The following DLL1 variants were observed in gnomAD, a reference collection of about 807,000 sequenced individuals.
DLL1 encodes the protein delta like canonical Notch ligand 1.
In DLL1, 9 loss-of-function variants were observed where a neutral mutation model predicts 75.1. The ratio of observed to expected loss-of-function variants is 0.12; its 90% CI spans 0.07 to 0.21. The LOEUF (loss-of-function observed/expected upper bound fraction) is 0.21. Ranked by LOEUF, DLL1 falls within the 10% of genes least tolerant of loss-of-function variation. The pLI is 1.00. For missense variants in DLL1, 837 were observed against 1,007.6 expected (o/e 0.83, Z 2.29); for synonymous variants, 477 against 418.3 (o/e 1.14, Z -1.71).
At position 170,283,942 on chromosome 6, in the gene DLL1, T is replaced by A; in HGVS notation, c.1337A>T (p.Asp446Val). The change falls in exon 9 of 11, where the codon GAC becomes GTC. Residue 446 changes from aspartate (D) to valine (V), a missense_variant. By Grantham distance (152) the Asp-to-Val change is radical (BLOSUM62 -3). Transcript: ENST00000366756. ...SGRHCDDNVD[D>V]CASSPCANGG... Reference sequence around the variant, plus strand: ...GTTGGCGCACGGGGAGGAGGCGCAGTCGTCCACGTTGTCGTCACAGTGCCT... The same window carrying A: ...GTTGGCGCACGGGGAGGAGGCGCAGACGTCCACGTTGTCGTCACAGTGCCT... 1.9e-6 allele frequency: 3 copies of A among 1,593,672 alleles called. No homozygotes were observed. The highest frequency in any genetic ancestry group is 2.6e-6 in the Non-Finnish European group (3 of 1,173,526).
rs201764695 is a variant in DLL1, at chr6:170,288,357, G to A, written c.552C>T (p.Tyr184=). 8 of 1,614,092 alleles carry A rather than the reference G, an allele frequency of 5.0e-6. No homozygotes were observed. The highest frequency in any genetic ancestry group is 6.8e-6 in the Non-Finnish European group (8 of 1,180,048). Reference sequence around the variant, plus strand: ...GGCAGAAAACGGAGCAGCCCTCTCCGTAGTAGTGTTCGTCACACACGAAGC... The same window carrying A: ...GGCAGAAAACGGAGCAGCCCTCTCCATAGTAGTGTTCGTCACACACGAAGC... ...SYRFVCDEHY[Y]GEGCSVFCRP... The change falls in exon 4 of 11, where the codon TAC becomes TAT. Residue 184 remains tyrosine, a synonymous_variant. Coordinates refer to ENST00000366756, the MANE Select transcript of DLL1 (RefSeq NM_005618.4).
Position 170,288,242 on chromosome 6 carries a change from C to T in DLL1, c.667G>A (p.Glu223Lys), listed in dbSNP as rs1267755589. ...NPGWKGPYCTEPICLPGCDEQ... is the reference protein window; with the variant it reads ...NPGWKGPYCTKPICLPGCDEQ... ...CGGTGCCTTCCCAGAGACTCACGCT[C>T]TGTGCAGTAGGGCCCTTTCCAGCCA... Residue 223 changes from glutamate to lysine, a missense_variant, in exon 4 of 11, where the codon GAG (glutamate) becomes AAG (lysine). This residue lies in a region of DLL1 where 304 missense variants were observed against 461.9 expected (regional missense o/e 0.66). Coordinates refer to ENST00000366756, the MANE Select transcript of DLL1 (RefSeq NM_005618.4). 6.2e-7 allele frequency: 1 copy of T among 1,613,882 alleles called. No individual in the cohort carries two copies.
chr6:170,284,303 C>T (rs778510747), intron 8 of DLL1, among the ~76,000 whole-genome samples: 9 of 152,074 alleles, frequency 5.9e-5, no homozygotes, highest in African/African-American at 9.7e-5. Flanking sequence ...CCACAACAGC[C>T]GGGCAAGAGC....
At position 170,282,686 on chromosome 6, in the gene DLL1, G is replaced by T; in HGVS notation, c.*188C>A. The T allele has an allele frequency of 1.1e-6, 1 of 878,516 alleles. No individual in the cohort carries two copies. The highest frequency in any genetic ancestry group is 1.9e-6 in the Non-Finnish European group (1 of 539,776). 54.4% of individuals were successfully genotyped at this position (878,516 alleles called of 1,614,324 possible). Reference sequence around the variant, plus strand: ...CGTCACGGAAGGCAGTGCCGCAGGCGGCCGGGCCGCGACAGGCTGTCGGCA... The same window carrying T: ...CGTCACGGAAGGCAGTGCCGCAGGCTGCCGGGCCGCGACAGGCTGTCGGCA... On this transcript the variant is annotated 3_prime_UTR_variant, in exon 11 of 11. Coordinates refer to ENST00000366756, the MANE Select transcript of DLL1 (RefSeq NM_005618.4).
At chr6:170,287,511 C>T (rs1397988181) in intron 4 of DLL1, among the ~76,000 whole-genome samples, 2 of 152,216 alleles carry the variant, frequency 1.3e-5, no homozygotes, top group East Asian at 3.9e-4. Flanking sequence ...GCCAGCACGG[C>T]CCCAACCCTG....
intron 9 of DLL1, 35 bp downstream of exon 9, chr6:170,283,196 G>C: frequency 6.2e-7 from 1 of 1,613,286 alleles, no homozygotes; most frequent in Non-Finnish European, 8.5e-7. Flanking sequence ...CACCCCCCAG[G>C]TACCCCCTCC....
intron 2 of DLL1, 60 bp from the exon 3 acceptor site, chr6:170,288,849 A>C: frequency 6.3e-7 from 1 of 1,591,996 alleles, no homozygotes; most frequent in Non-Finnish European, 8.6e-7. Flanking sequence ...GAAAACGGCA[A>C]AAAGCAGTCA....
intron 3 of DLL1, 48 bp downstream of exon 3, chr6:170,288,681 T>C: frequency 6.2e-7 from 1 of 1,612,586 alleles, no homozygotes; most frequent in Non-Finnish European, 8.5e-7. Context: ...CAAAGTCCAA[T>C]GCTATTAACT....
chr6:170,283,063 T>G lies in DLL1; in HGVS notation c.2091A>C (p.Ser697=), dbSNP rs557616143. 4.3e-6 allele frequency: 7 copies of G among 1,614,116 alleles called. No homozygotes were observed. The highest frequency in any genetic ancestry group is 5.9e-6 in the Non-Finnish European group (7 of 1,180,038). ...SERKRPDSGC[S]TSKDTKYQSV... ...ACTGGTACTTGGTGTCTTTTGAAGT[T>G]GAACAGCCCGAGTCCGGCCTTTTTC... Residue 697 remains serine (S), a synonymous_variant, in exon 10 of 11, where the codon TCA becomes TCC. Transcript: ENST00000366756.
At chr6:170,284,770 T>G in intron 8 of DLL1, 149 bp downstream of exon 8, 1 of 867,548 alleles carries the variant, frequency 1.2e-6, no homozygotes, top group Non-Finnish European at 1.9e-6. Context: ...CTTTCCAGAC[T>G]CAAAGATAGA....
intron 1 of DLL1, 70 bp from the exon 2 acceptor site, chr6:170,289,878 G>C (rs1783812333): frequency 1.3e-6 from 2 of 1,481,836 alleles, no homozygotes; most frequent in Middle Eastern, 1.8e-4. Flanking sequence ...GGCCTGGGTG[G>C]GGGGTGTGCG....
rs1278290381 is a variant in DLL1 at position 170,283,103 on chromosome 6, C to A, written c.2051G>T (p.Gly684Val). 1 of 1,614,088 alleles carries A rather than the reference C, an allele frequency of 6.2e-7. No homozygotes were observed. The highest frequency in any genetic ancestry group is 8.5e-7 in the Non-Finnish European group (1 of 1,180,010). The change falls in exon 10 of 11, where the codon GGA (glycine) becomes GTA (valine). Residue 684 changes from glycine to valine, a missense_variant and splice_region_variant. Around this residue, in one of 2 missense-constraint regions of DLL1, gnomAD observed 533 missense variants for 545.7 expected, o/e 0.98. Transcript: ENST00000366756. Reference sequence around the variant, plus strand: ...CGGCCTTTTTCTTTCAGATGCTTCTCCACTAAAAGGAAAATAGAGAAAATC... The same window carrying A: ...CGGCCTTTTTCTTTCAGATGCTTCTACACTAAAAGGAAAATAGAGAAAATC... The part of the protein sequence containing the change: ...EKGTPTTLRG[G>V]EASERKRPDS...
In DLL1 at chr6:170,282,675, G is replaced by A; in HGVS notation, c.*199C>T. 1.3e-6 allele frequency: 1 copy of A among 772,544 alleles called. No individual in the cohort carries two copies. The allele number at this position is 772,544 out of a possible 1,614,324, so 47.9% of individuals were successfully genotyped here. On this transcript the variant is annotated 3_prime_UTR_variant, in exon 11 of 11. Transcript: ENST00000366756. ...TGCAACGGCGACGTCACGGAAGGCA[G>A]TGCCGCAGGCGGCCGGGCCGCGACA...
At chr6:170,289,376 G>A (rs1041745007) in intron 2 of DLL1, 136 bp downstream of exon 2, 2 of 1,360,504 alleles carry the variant, frequency 1.5e-6, no homozygotes, top group Non-Finnish European at 2.0e-6. Flanking sequence ...GCCGCCGCTA[G>A]GCAGATCGCA....
At position 170,283,410 on chromosome 6, in the gene DLL1, C is replaced by T. The variant is rs1003021001; in HGVS notation, c.1869G>A (p.Gly623=). 21 of 1,611,024 alleles carry T rather than the reference C, an allele frequency of 1.3e-5. No individual in the cohort carries two copies. The highest frequency in any genetic ancestry group is 1.6e-5 in the Non-Finnish European group (19 of 1,180,016). The change falls in exon 9 of 11, where the codon GGG becomes GGA. Residue 623 remains glycine, a synonymous_variant. Coordinates refer to ENST00000366756, the MANE Select transcript of DLL1 (RefSeq NM_005618.4). ...AGCCATTCTTGTCGGCGCTGTGGTC[C>T]CCGTGGAAGTCCGCCTTCTTGTTGG... ...KNTNKKADFH[G]DHSADKNGFK... is the part of the protein sequence containing the mutation.
chr6:170,285,926 C>T (rs186049138), intron 5 of DLL1, among the ~76,000 whole-genome samples: 2 of 152,326 alleles, frequency 1.3e-5, no homozygotes, highest in Admixed American at 1.3e-4. Context: ...AAAAATCACT[C>T]CCTGAGTGAT....
rs756906463 is a variant in DLL1, at chr6:170,282,930, C to G, written c.2167-51G>C. 2.8e-5 allele frequency: 46 copies of G among 1,614,134 alleles called. No homozygotes were observed. The Admixed American group carries it at 6.8e-4, about 24-fold the overall frequency. ...AGTTAGCCTGAGACCGATTCCCGTG[C>G]TCCAGCTTCAGGTGCTCCCATGCCG... On this transcript the variant is annotated intron_variant, in intron 10 of 10. Transcript: ENST00000366756.
rs1272102909 is a variant in DLL1, at chr6:170,290,080, G to T, written c.54+6C>A. The T allele has an allele frequency of 1.9e-6, 3 of 1,578,738 alleles. No homozygotes were observed. Among genetic ancestry groups the T allele is most frequent in the Non-Finnish European group, 2.6e-6 (3 of 1,171,380 alleles). On this transcript the variant is annotated splice_donor_region_variant and intron_variant, in intron 1 of 10. Transcript: ENST00000366756. This position sits in a 1 kb window ranked among gnomAD's most constrained non-coding sequence, Gnocchi z 4.7. ...GGGGCCGCGGCGCCCCCACCTGCCC[G>T]CCTACCTGACACAGCAAGGCCGAGA...
intron 8 of DLL1, among the ~76,000 whole-genome samples, chr6:170,284,618 C>A (rs549020504): frequency 6.6e-6 from 1 of 152,298 alleles, no homozygotes; most frequent in African/African-American, 2.4e-5. Context: ...GTGGCCGGCA[C>A]CTGTGGGCAT....
Sources: allele counts gnomAD v4.1 joint callset (sites outside exome capture counted in the v4.1 genomes callset), GRCh38; gene constraint gnomAD v4.1.1; regional missense constraint gnomAD v4.1.1; non-coding constraint Gnocchi (gnomAD v3.1); transcripts MANE v1.5; gene names NCBI Gene and HGNC (gene_info 2026-07-23, HGNC 2026-07-21).